Variants in HAUS5 observed in about 807,000 individuals in gnomAD.
The protein encoded by HAUS5 is HAUS augmin like complex subunit 5, also known as HAUS augmin-like complex subunit 5.
HAUS5 carries 67 observed loss-of-function variants against 94.1 expected under a neutral mutation model. The observed-to-expected ratio is 0.71, with a 90% CI of 0.58 to 0.87. HAUS5 has a LOEUF of 0.87. Ranked by LOEUF, HAUS5 falls within the 40% of genes least tolerant of loss-of-function variation. The pLI is 0.00. For synonymous variants in HAUS5, 339 were observed against 355.4 expected, an observed-to-expected ratio of 0.95 and a Z score of 0.52; for missense variants, 739 against 825.6, an observed-to-expected ratio of 0.90 and a Z score of 1.29.
Position 35,618,048 on chromosome 19 carries a change from G to A in HAUS5, c.697-23G>A, listed in dbSNP as rs760603576. The stretch of plus-strand genomic sequence containing the variant: ...CACAGCCCTGCCCCGATCCTGCCCT[G>A]ACTTCACCCTCCCTCCCCCTAGACG... On this transcript the variant is annotated intron_variant, in intron 9 of 18. Coordinates refer to ENST00000203166, the MANE Select transcript of HAUS5 (RefSeq NM_015302.2). The A allele has an allele frequency of 3.2e-6, 5 of 1,582,602 alleles. No homozygotes were observed. The Admixed American group carries it at 8.7e-5, about 27-fold the overall frequency.
In HAUS5 at chr19:35,616,311, T is replaced by A. The variant is rs2071942728; in HGVS notation, c.486-813T>A. Among the ~76,000 whole-genome samples the A allele has an allele frequency of 2.0e-5, 3 of 149,294 alleles. No individual in the cohort carries two copies. The South Asian group carries it at 6.5e-4, about 32-fold the overall frequency. On this transcript the variant is annotated intron_variant, in intron 6 of 18. Coordinates refer to ENST00000203166, the MANE Select transcript of HAUS5 (RefSeq NM_015302.2). Reference sequence around the variant, plus strand: ...CCAGCCTGGGTGACAAGAGCAAAACTCTGTTTAAAAAAAAAAAAATTGGGT... The same window carrying A: ...CCAGCCTGGGTGACAAGAGCAAAACACTGTTTAAAAAAAAAAAAATTGGGT...
At position 35,619,716 on chromosome 19, in the gene HAUS5, C is replaced by T. The variant is rs1313529659; in HGVS notation, c.1364C>T (p.Pro455Leu). ...RCLEEEVRHLPHILLGTLLRH... is the reference protein window; with the variant it reads ...RCLEEEVRHLLHILLGTLLRH... The stretch of plus-strand genomic sequence containing the variant: ...CTGGAGGAGGAAGTCCGGCATTTGC[C>T]CCACATTCTGTTGGGCACGCTGCTG... The change falls in exon 15 of 19, where the codon CCC becomes CTC. Residue 455 changes from proline (P) to leucine (L), a missense_variant. Physicochemically the swap from Pro to Leu is moderately conservative, Grantham distance 98. Transcript: ENST00000203166. 1.3e-6 allele frequency: 2 copies of T among 1,569,036 alleles called. No homozygotes were observed. Among genetic ancestry groups the T allele is most frequent in the African/African-American group, 1.4e-5 (1 of 73,974 alleles).
intron 13 of HAUS5, 64 bp from the exon 14 acceptor site, chr19:35,619,360 G>T: frequency 7.6e-7 from 1 of 1,322,420 alleles, no homozygotes; most frequent in African/African-American, 1.5e-5. Context: ...CAGGACCTAA[G>T]CAGAGAGGCA....
chr19:35,616,253 G>C (rs1051723237), intron 6 of HAUS5, among the ~76,000 whole-genome samples: 2 of 151,924 alleles, frequency 1.3e-5, no homozygotes, highest in South Asian at 2.1e-4. Context: ...AGGAAAAGGA[G>C]GTTGCAGTGA....
At chr19:35,613,550 G>C in intron 1 of HAUS5, 180 bp from the exon 2 acceptor site, 1 of 591,532 alleles carries the variant, frequency 1.7e-6, no homozygotes, top group Non-Finnish European at 2.9e-6. Flanking sequence ...GTACCACTGC[G>C]ACAGAGCGAG....
intron 17 of HAUS5, 128 bp from the exon 18 acceptor site, chr19:35,622,473 A>G: frequency 1.1e-6 from 1 of 938,154 alleles, no homozygotes; most frequent in Non-Finnish European, 1.6e-6. Context: ...AGAAGGAGAC[A>G]GACTCATCAT....
rs570447175 is a variant in HAUS5 at position 35,615,104 on chromosome 19, C to A, written c.282C>A (p.Leu94=). Residue 94 remains leucine (L), a synonymous_variant, in exon 5 of 19, where the codon CTC becomes CTA. Coordinates refer to ENST00000203166, the MANE Select transcript of HAUS5 (RefSeq NM_015302.2). ...VTRLRAEIQE[L]DQSLELMERD... is the part of the protein sequence containing the mutation. ...GCCTGCGGGCAGAAATCCAGGAACT[C>A]GACCAGAGCCTGGAGCTGATGGAGC... The A allele has an allele frequency of 1.1e-5, 17 of 1,608,380 alleles. No individual in the cohort carries two copies. The East Asian group carries it at 3.8e-4, about 36-fold the overall frequency.
rs570550915 is a variant in HAUS5, at chr19:35,619,827, C to T, written c.1406+69C>T. ...TGGGTGACTGTCACTCCCTGAACCTCCTCAAAAAAGATAACCCCAGACCCC... is the reference window on the plus strand; with the variant it reads ...TGGGTGACTGTCACTCCCTGAACCTTCTCAAAAAAGATAACCCCAGACCCC... On this transcript the variant is annotated intron_variant, in intron 15 of 18. Transcript: ENST00000203166. 2.3e-4 allele frequency: 351 copies of T among 1,498,918 alleles called. 4 individuals are homozygous for T. The African/African-American group carries it at 4.0e-3, about 17-fold the overall frequency. 92.9% of individuals were successfully genotyped at this position (1,498,918 alleles called of 1,614,324 possible).
chr19:35,618,678 G>T lies in HAUS5; in HGVS notation c.995G>T (p.Arg332Leu), dbSNP rs199677903. 6.2e-7 allele frequency: 1 copy of T among 1,601,418 alleles called. No individual in the cohort carries two copies. Among genetic ancestry groups the T allele is most frequent in the African/African-American group, 1.3e-5 (1 of 74,788 alleles). ...LQGLVEEVER[R>L]VLGSSERQVL... is the part of the protein sequence containing the mutation. ...GGCCTGGTGGAGGAGGTGGAGAGAC[G>T]CGTCCTGGGATCCAGTGAGAGGTGG... The change falls in exon 12 of 19, where the codon CGC becomes CTC. Residue 332 changes from arginine to leucine, a missense_variant. Transcript: ENST00000203166.
chr19:35,613,065 G>C (rs1000822204), intron 1 of HAUS5, among the ~76,000 whole-genome samples, 173 bp downstream of exon 1: 57 of 152,200 alleles, frequency 3.7e-4, no homozygotes, highest in African/African-American at 1.3e-3. Context: ...CCCTAGCACT[G>C]GTGAGGATCC....
rs2071930275 is a variant in HAUS5, at chr19:35,615,126, G to A, written c.304G>A (p.Glu102Lys). ...ACTCGACCAGAGCCTGGAGCTGATG[G>A]AGCGAGACACTGAGGCTCAGGGTGA... Reference protein sequence around the residue: ...QELDQSLELMERDTEAQDTAM... With the variant: ...QELDQSLELMKRDTEAQDTAM... The change falls in exon 5 of 19, where the codon GAG (glutamate) becomes AAG (lysine). Residue 102 changes from glutamate (E) to lysine (K), a missense_variant. Transcript: ENST00000203166. The A allele has an allele frequency of 3.1e-6, 5 of 1,610,022 alleles. No individual in the cohort carries two copies. Among genetic ancestry groups the A allele is most frequent in the Non-Finnish European group, 4.2e-6 (5 of 1,178,124 alleles).
Position 35,623,277 on chromosome 19 carries a change from CAG to C in HAUS5, c.*286_*287del, listed in dbSNP as rs1406455904. On this transcript the variant is annotated 3_prime_UTR_variant, in exon 19 of 19. Coordinates refer to ENST00000203166, the MANE Select transcript of HAUS5 (RefSeq NM_015302.2). The stretch of plus-strand genomic sequence containing the variant: ...GGGAGTCCACACTGAACAAAAGAAA[CAG>C]AAAACCCTGTCTTCCAGCAGTTGAG... The C allele has an allele frequency of 5.8e-6, 2 of 345,714 alleles. No homozygotes were observed. The highest frequency in any genetic ancestry group is 4.3e-5 in the African/African-American group (2 of 46,766). 21.4% of individuals were successfully genotyped at this position (345,714 alleles called of 1,614,324 possible).
chr19:35,618,807 C>A, intron 12 of HAUS5, 80 bp from the exon 13 acceptor site: 1 of 1,521,400 alleles, frequency 6.6e-7, no homozygotes, highest in Non-Finnish European at 8.9e-7. Context: ...CCTCTCCCTG[C>A]AGTGTCTCTC....
chr19:35,619,018 A>G lies in HAUS5; in HGVS notation c.1148A>G (p.Gln383Arg), dbSNP rs768701911. 16 of 1,608,184 alleles carry G rather than the reference A, an allele frequency of 9.9e-6. No individual in the cohort carries two copies. Among genetic ancestry groups the G allele is most frequent in the Middle Eastern group, 1.7e-4 (1 of 5,958 alleles). ...QLLLRELQAK[Q>R]QRILHWRQLV... is the part of the protein sequence containing the mutation. ...CTGCTGAGGGAGCTACAGGCCAAAC[A>G]GCAGCGGATCCTGCACTGGCGCCAG... The change falls in exon 13 of 19, where the codon CAG becomes CGG. Residue 383 changes from glutamine to arginine, a missense_variant. Coordinates refer to ENST00000203166, the MANE Select transcript of HAUS5 (RefSeq NM_015302.2).
In HAUS5 at chr19:35,614,159, G is replaced by A. The variant is rs976830110; in HGVS notation, c.219+100G>A. The stretch of plus-strand genomic sequence containing the variant: ...GGTGCTGGGTGATGCTGGGGACAAT[G>A]GGTCACAAGACAGCCTTGATCTCCA... On this transcript the variant is annotated intron_variant, in intron 4 of 18. Transcript: ENST00000203166. 4 of 1,053,468 alleles carry A rather than the reference G, an allele frequency of 3.8e-6. No individual in the cohort carries two copies. The African/African-American group carries it at 6.3e-5, about 16-fold the overall frequency. 65.3% of individuals were successfully genotyped at this position (1,053,468 alleles called of 1,614,324 possible).
rs531084508 is a variant in HAUS5 at position 35,618,561 on chromosome 19, G to A, written c.886-8G>A. ...TGGGTGTACCCTGATTCTGTACCCC[G>A]CTTGCAGGAGGGCTGGCGGACTGTG... On this transcript the variant is annotated splice_polypyrimidine_tract_variant and splice_region_variant and intron_variant, in intron 11 of 18. Coordinates refer to ENST00000203166, the MANE Select transcript of HAUS5 (RefSeq NM_015302.2). 13 of 1,604,886 alleles carry A rather than the reference G, an allele frequency of 8.1e-6. No individual in the cohort carries two copies. The highest frequency in any genetic ancestry group is 1.0e-5 in the Non-Finnish European group (12 of 1,173,508).
intron 12 of HAUS5, 38 bp downstream of exon 12, chr19:35,618,737 C>T (rs146102972): frequency 0.017 from 26,799 of 1,547,920 alleles, 312 homozygotes; most frequent in Middle Eastern, 0.03. Context: ...TAGGCCATCT[C>T]GCTTCTGAGT....
chr19:35,615,692 C>G (rs1039231595), intron 6 of HAUS5, among the ~76,000 whole-genome samples: 3 of 152,294 alleles, frequency 2.0e-5, no homozygotes, highest in Non-Finnish European at 4.4e-5. Flanking sequence ...CAAACAGACC[C>G]TATCATTTCT....
At chr19:35,614,928 CAG>C in intron 4 of HAUS5, 112 bp from the exon 5 acceptor site, 1 of 696,270 alleles carries the variant, frequency 1.4e-6, no homozygotes, top group Non-Finnish European at 2.4e-6. Flanking sequence ...GTGTCAGACA[CAG>C]AAACTGCTGA....
Sources: allele counts gnomAD v4.1 joint callset (sites outside exome capture counted in the v4.1 genomes callset), GRCh38; gene constraint gnomAD v4.1.1; transcripts MANE v1.5; gene names NCBI Gene and HGNC (gene_info 2026-07-23, HGNC 2026-07-21).